Variants in MS4A13 observed in about 807,000 individuals in gnomAD.
MS4A13 encodes membrane-spanning 4-domains subfamily A member 13.
MS4A13 carries 21 observed loss-of-function variants against 18.4 expected under a neutral mutation model. That is an observed-to-expected ratio of 1.14 (90% CI 0.81 to 1.64). MS4A13 has a LOEUF of 1.64. Ranked by LOEUF, MS4A13 falls within the 40% of genes most tolerant of loss-of-function variation. The pLI, the probability that MS4A13 is intolerant of heterozygous loss-of-function variation, is 0.00. For missense variants in MS4A13, 173 were observed against 176.8 expected (o/e 0.98, Z 0.12); for synonymous variants, 62 against 57.2 (o/e 1.08, Z -0.38).
At chr11:60,527,454 C>T (rs1181842208) in intron 5 of MS4A13, among the ~76,000 whole-genome samples, 2 of 57,198 alleles carry the variant, frequency 3.5e-5, no homozygotes, top group Non-Finnish European at 6.9e-5. Context: ...GTTTCCGTTT[C>T]CTCAGTTTTC....
At position 60,521,902 on chromosome 11, in the gene MS4A13, A is replaced by G. The variant is rs375346642; in HGVS notation, c.130-1995A>G. 2.8e-4 allele frequency among the ~76,000 whole-genome samples: 43 copies of G among 152,292 alleles called. 1 individual carries two copies. The East Asian group carries it at 3.5e-3, about 12-fold the overall frequency. On this transcript the variant is annotated intron_variant, in intron 3 of 6. Transcript: ENST00000378186. ...AAAGATAGAGGTTTGTTGGACTTAC[A>G]GTTTCTCATGGCTGGGAAGGCCTCA... is the stretch of plus-strand genomic sequence containing the variant.
intron 6 of MS4A13, among the ~76,000 whole-genome samples, chr11:60,531,675 A>G (rs1257477998): frequency 6.6e-6 from 1 of 152,200 alleles, no homozygotes. Flanking sequence ...GAAGTTCAAG[A>G]TCAAGGTGTT....
chr11:60,528,276 C>A (rs1389673203), intron 5 of MS4A13, among the ~76,000 whole-genome samples: 1 of 152,146 alleles, frequency 6.6e-6, no homozygotes, highest in African/African-American at 2.4e-5. Context: ...AGGAAACAAG[C>A]AAATAAAAAT....
At position 60,525,242 on chromosome 11, in the gene MS4A13, A is replaced by G; in HGVS notation, c.222A>G (p.Ile74Met). ...ISTLIINIIC[I>M]ITTITAVTLT... ...CTTTAATCATAAACATCATCTGCAT[A>G]ATTACTACAATTACTGCAGTAACTC... The change falls in exon 5 of 7, where the codon ATA becomes ATG. Residue 74 changes from isoleucine to methionine, a missense_variant. Coordinates refer to ENST00000378186, the MANE Select transcript of MS4A13 (RefSeq NM_001012417.3). 1 of 1,565,306 alleles carries G rather than the reference A, an allele frequency of 6.4e-7. No individual in the cohort carries two copies. The highest frequency in any genetic ancestry group is 8.8e-7 in the Non-Finnish European group (1 of 1,137,706).
intron 6 of MS4A13, among the ~76,000 whole-genome samples, chr11:60,542,040 G>A (rs1224788572): frequency 6.6e-6 from 1 of 151,458 alleles, no homozygotes; most frequent in Non-Finnish European, 1.5e-5. Context: ...CTGAAAGAGA[G>A]GTGGTTGCAG....
intron 4 of MS4A13, 81 bp downstream of exon 4, chr11:60,524,034 T>C (rs1052246426): frequency 1.2e-6 from 1 of 846,816 alleles, no homozygotes; most frequent in South Asian, 1.5e-5. Context: ...ATATAACGTC[T>C]AAACAATGAA....
At chr11:60,525,134 T>C in intron 4 of MS4A13, 73 bp from the exon 5 acceptor site, 2 of 1,149,046 alleles carry the variant, frequency 1.7e-6, no homozygotes, top group Non-Finnish European at 2.5e-6. Context: ...GATGAGTTTT[T>C]TCAGCAATGC....
At position 60,515,991 on chromosome 11, in the gene MS4A13, C is replaced by T. The variant is rs2086634878; in HGVS notation, c.-106C>T. 1 of 152,054 alleles carries T rather than the reference C, an allele frequency of 6.6e-6. No individual in the cohort carries two copies. The highest frequency in any genetic ancestry group is 2.4e-5 in the African/African-American group (1 of 41,398). The allele number at this position is 152,054 out of a possible 1,614,324, so 9.4% of individuals were successfully genotyped here. On this transcript the variant is annotated 5_prime_UTR_variant, in exon 2 of 7. Coordinates refer to ENST00000378186, the MANE Select transcript of MS4A13 (RefSeq NM_001012417.3). ...TAGAAGTTTGCTAATAAAGACATCA[C>T]CAAAGGTTAAAGAGAAAATCATCTA...
rs777344688 is a variant in MS4A13 at position 60,518,257 on chromosome 11, T to TA, written c.129+46dup. The TA allele has an allele frequency of 4.0e-6, 6 of 1,483,804 alleles. 1 individual carries two copies. In the South Asian group the frequency reaches 8.0e-5, roughly 20 times the overall value. The allele number at this position is 1,483,804 out of a possible 1,614,324, so 91.9% of individuals were successfully genotyped here. On this transcript the variant is annotated intron_variant, in intron 3 of 6. Coordinates refer to ENST00000378186, the MANE Select transcript of MS4A13 (RefSeq NM_001012417.3). ...ATTGCTTTAATCATACAATAAATAA[T>TA]ATTCATGCCAATAGTAGAAGGTAGG...
chr11:60,540,136 G>A (rs2086844843), intron 6 of MS4A13, among the ~76,000 whole-genome samples: 1 of 152,182 alleles, frequency 6.6e-6, no homozygotes, highest in Non-Finnish European at 1.5e-5. Flanking sequence ...GGTAATCCAG[G>A]ATGATTACCT....
chr11:60,529,773 G>A (rs954573095), intron 6 of MS4A13, among the ~76,000 whole-genome samples: 4 of 151,306 alleles, frequency 2.6e-5, no homozygotes, highest in Admixed American at 1.3e-4. Flanking sequence ...TTTACTAATT[G>A]TATGTATTAT....
chr11:60,542,749 C>A (rs1423227613), downstream of MS4A13: 2 of 454,854 alleles, frequency 4.4e-6, no homozygotes, highest in South Asian at 4.9e-5. Flanking sequence ...TTCTAGGCTG[C>A]AAGGAAAGTT....
chr11:60,529,373 G>A lies in MS4A13; in HGVS notation c.315G>A (p.Gly105=), dbSNP rs2086746226. Reference sequence around the variant, plus strand: ...CTGTTTTTTGGTTATAGAAACTTGGGAGGGAAGTATCACGTATTTTACTGT... The same window carrying A: ...CTGTTTTTTGGTTATAGAAACTTGGAAGGGAAGTATCACGTATTTTACTGT... ...SYRNYGQAKL[G]REVSRILLFF... is the part of the protein sequence containing the mutation. The change falls in exon 6 of 7, where the codon GGG becomes GGA. Residue 105 remains glycine (G), a synonymous_variant. Transcript: ENST00000378186. The A allele has an allele frequency of 1.3e-6, 2 of 1,596,842 alleles. No homozygotes were observed. Among genetic ancestry groups the A allele is most frequent in the Non-Finnish European group, 1.7e-6 (2 of 1,170,398 alleles).
chr11:60,538,365 T>C (rs1417340903), intron 6 of MS4A13, among the ~76,000 whole-genome samples: 2 of 151,504 alleles, frequency 1.3e-5, no homozygotes, highest in Non-Finnish European at 2.9e-5. Context: ...CTGGGGACTA[T>C]AATAACTAAT....
intron 6 of MS4A13, 144 bp from the exon 7 acceptor site, chr11:60,542,369 TGAAATA>T (rs2086867322): frequency 2.3e-6 from 1 of 426,380 alleles, no homozygotes; most frequent in African/African-American, 2.0e-5. Flanking sequence ...GAAATAAGGT[TGAAATA>T]GGAATGGGAC....
At chr11:60,525,019 G>A (rs960415700) in intron 4 of MS4A13, among the ~76,000 whole-genome samples, 188 bp from the exon 5 acceptor site, 12 of 152,108 alleles carry the variant, frequency 7.9e-5, no homozygotes, top group Non-Finnish European at 1.8e-4. Flanking sequence ...GACTGATGGT[G>A]TTAATGTTTC....
intron 3 of MS4A13, among the ~76,000 whole-genome samples, chr11:60,518,996 T>C (rs2135247489): frequency 6.6e-6 from 1 of 152,286 alleles, no homozygotes; most frequent in Non-Finnish European, 1.5e-5. Context: ...AGAAACAGCA[T>C]CATATCCTTT....
At chr11:60,543,211 G>A (rs773937352), downstream of MS4A13, among the ~76,000 whole-genome samples, 1 of 152,112 alleles carries the variant, frequency 6.6e-6, no homozygotes, top group Non-Finnish European at 1.5e-5. Context: ...CCACAATAAG[G>A]AGAATTTTCT....
Position 60,542,580 on chromosome 11 carries a change from C to T in MS4A13, c.*5C>T, listed in dbSNP as rs200057496. On this transcript the variant is annotated 3_prime_UTR_variant, in exon 7 of 7. Transcript: ENST00000378186. Reference sequence around the variant, plus strand: ...GAAGCTGAGAGCACTCCTTAAAAACCCTAGAAATATGAGAATTTTGCTGTT... The same window carrying T: ...GAAGCTGAGAGCACTCCTTAAAAACTCTAGAAATATGAGAATTTTGCTGTT... 37 of 1,599,022 alleles carry T rather than the reference C, an allele frequency of 2.3e-5. No individual in the cohort carries two copies. In the East Asian group the frequency reaches 4.7e-4, roughly 20 times the overall value.
Sources: allele counts gnomAD v4.1 joint callset (sites outside exome capture counted in the v4.1 genomes callset), GRCh38; gene constraint gnomAD v4.1.1; transcripts MANE v1.5; gene names NCBI Gene and HGNC (gene_info 2026-07-23, HGNC 2026-07-21).